NAALADL2: variants seen among roughly 807,000 people sequenced by gnomAD.
NAALADL2 encodes inactive N-acetylated-alpha-linked acidic dipeptidase-like protein 2.
Under a neutral mutation model 87.2 loss-of-function variants are expected in NAALADL2, and 76 were observed. The ratio of observed to expected loss-of-function variants is 0.87; its 90% CI spans 0.72 to 1.05. NAALADL2 has a LOEUF of 1.05. Among genes scored for constraint, NAALADL2 ranks in the 50% least tolerant of loss-of-function variants. The probability of loss-of-function intolerance (pLI) is 0.00; values close to 1 mark genes in which losing one functional copy is unlikely to be tolerated. For synonymous variants in NAALADL2, 354 were observed against 331.0 expected, an observed-to-expected ratio of 1.07 and a Z score of -0.75; for missense variants, 1,089 against 945.8, an observed-to-expected ratio of 1.15 and a Z score of -1.99.
chr3:175,530,337 A>G (rs1013448094), intron 9 of NAALADL2, among the ~76,000 whole-genome samples: 12 of 152,146 alleles, frequency 7.9e-5, no homozygotes, highest in Non-Finnish European at 1.3e-4. Flanking sequence ...CAATTTTCCA[A>G]TCATGCTTCT....
chr3:174,758,654 C>T (rs1170660036), intron 3 of NAALADL2, among the ~76,000 whole-genome samples: 2 of 152,196 alleles, frequency 1.3e-5, no homozygotes, highest in Admixed American at 6.5e-5. Context: ...TTACAATCGA[C>T]TGTGGGGTAG....
intron 1 of NAALADL2, chr3:174,523,368 T>C (rs1159872673): frequency 1.3e-5 from 2 of 152,236 alleles, no homozygotes; most frequent in African/African-American, 2.4e-5. Flanking sequence ...TTATACTTAA[T>C]GAATTCAAAG....
intron 2 of NAALADL2, among the ~76,000 whole-genome samples, chr3:175,215,583 A>C (rs1441605970): frequency 6.6e-6 from 1 of 152,064 alleles, no homozygotes; most frequent in Non-Finnish European, 1.5e-5. Flanking sequence ...TGACTTCCTT[A>C]ATGTCTGTTT....
At chr3:174,476,174 T>C (rs1374859020) in intron 1 of NAALADL2, among the ~76,000 whole-genome samples, 1 of 151,914 alleles carries the variant, frequency 6.6e-6, no homozygotes, top group Admixed American at 6.6e-5. Context: ...TGAAAATTTA[T>C]TAATGTGTAA....
At chr3:175,359,556 A>G (rs900840042) in intron 5 of NAALADL2, among the ~76,000 whole-genome samples, 2 of 152,106 alleles carry the variant, frequency 1.3e-5, no homozygotes, top group Non-Finnish European at 2.9e-5. Flanking sequence ...ATTCAATTTT[A>G]TCAAGTCATG....
chr3:175,605,743 A>G (rs1723651569), intron 10 of NAALADL2, among the ~76,000 whole-genome samples: 1 of 150,688 alleles, frequency 6.6e-6, no homozygotes, highest in African/African-American at 2.4e-5. Flanking sequence ...TTTAGATAAC[A>G]TTTAATTATA....
intron 2 of NAALADL2, among the ~76,000 whole-genome samples, chr3:174,720,085 C>A (rs771652862): frequency 1.3e-5 from 2 of 151,986 alleles, no homozygotes; most frequent in Non-Finnish European, 2.9e-5. Flanking sequence ...CAGGCGTGAC[C>A]CACCGCTCCC....
intron 2 of NAALADL2, among the ~76,000 whole-genome samples, chr3:174,685,407 C>A (rs1727938377): frequency 6.6e-6 from 1 of 152,160 alleles, no homozygotes; most frequent in South Asian, 2.1e-4. Context: ...CCAATTCTTA[C>A]CACCAACTGC....
At chr3:174,708,519 G>C (rs926627810) in intron 2 of NAALADL2, among the ~76,000 whole-genome samples, 1 of 152,046 alleles carries the variant, frequency 6.6e-6, no homozygotes, top group Admixed American at 6.6e-5. Context: ...TCAGTAATTC[G>C]TTAGGGACCA....
At chr3:174,446,570 T>C (rs1310765273) in intron 1 of NAALADL2, among the ~76,000 whole-genome samples, 1 of 152,158 alleles carries the variant, frequency 6.6e-6, no homozygotes, top group Non-Finnish European at 1.5e-5. Flanking sequence ...TGCTATCTCT[T>C]TAAATAGTAT....
At chr3:175,729,662 A>T (rs1360489197) in intron 11 of NAALADL2, among the ~76,000 whole-genome samples, 1 of 152,094 alleles carries the variant, frequency 6.6e-6, no homozygotes, top group African/African-American at 2.4e-5. Flanking sequence ...TGTTCTGACC[A>T]TGAGTCATCC....
chr3:175,227,052 C>T (rs1744258622), intron 2 of NAALADL2, among the ~76,000 whole-genome samples: 1 of 151,956 alleles, frequency 6.6e-6, no homozygotes, highest in Admixed American at 6.6e-5. Flanking sequence ...TGAGTATCTG[C>T]ATATGTTATT....
At chr3:174,888,105 G>A (rs1365646814) in intron 1 of NAALADL2, among the ~76,000 whole-genome samples, 2 of 152,060 alleles carry the variant, frequency 1.3e-5, no homozygotes, top group Non-Finnish European at 2.9e-5. Flanking sequence ...AGCAATGTGA[G>A]GATCACGGGA....
intron 4 of NAALADL2, among the ~76,000 whole-genome samples, chr3:175,295,478 T>A (rs1274935904): frequency 2.0e-5 from 3 of 152,112 alleles, no homozygotes; most frequent in Non-Finnish European, 2.9e-5. Flanking sequence ...CACCCTTGAT[T>A]TCTCAGACTT....
chr3:174,813,376 T>C (rs1579039593), intron 3 of NAALADL2, among the ~76,000 whole-genome samples: 1 of 152,258 alleles, frequency 6.6e-6, no homozygotes, highest in East Asian at 1.9e-4. Context: ...ACAAGCTTTT[T>C]TAATACTCTA....
At chr3:174,864,214 G>C (rs1376522873) in intron 1 of NAALADL2, 1 of 352,304 alleles carries the variant, frequency 2.8e-6, no homozygotes, top group East Asian at 9.4e-5. Flanking sequence ...AAAATCTGAA[G>C]TAAAGCCTAA....
At chr3:174,821,794 T>G (rs1721453548) in intron 3 of NAALADL2, among the ~76,000 whole-genome samples, 1 of 152,192 alleles carries the variant, frequency 6.6e-6, no homozygotes, top group Admixed American at 6.5e-5. Context: ...ACTAATTTAT[T>G]TATTTATGGG....
chr3:174,632,884 G>C (rs1292260777), intron 2 of NAALADL2, among the ~76,000 whole-genome samples: 1 of 134,868 alleles, frequency 7.4e-6, no homozygotes, highest in South Asian at 2.4e-4. Context: ...GCAGTGAGCC[G>C]AGATCGCGCC....
chr3:175,009,693 T>C (rs1749526090), intron 1 of NAALADL2, among the ~76,000 whole-genome samples: 1 of 143,330 alleles, frequency 7.0e-6, no homozygotes, highest in South Asian at 2.1e-4. Context: ...TGCTTCTAGA[T>C]GAAGACATTG....
Sources: allele counts gnomAD v4.1 joint callset (sites outside exome capture counted in the v4.1 genomes callset), GRCh38; gene constraint gnomAD v4.1.1; transcripts MANE v1.5; gene names NCBI Gene and HGNC (gene_info 2026-07-23, HGNC 2026-07-21).